The following N4BP2 variants were observed in gnomAD, a reference collection of about 807,000 sequenced individuals.
N4BP2 encodes the protein NEDD4 binding protein 2.
In N4BP2, 91 loss-of-function variants were observed where a neutral mutation model predicts 152.8. The ratio of observed to expected loss-of-function variants is 0.60; its 90% CI spans 0.50 to 0.71. The LOEUF (loss-of-function observed/expected upper bound fraction) is 0.71. Among genes scored for constraint, N4BP2 ranks in the 30% least tolerant of loss-of-function variants. N4BP2 has a pLI of 0.00. For missense variants in N4BP2, 1,923 were observed against 2,059.1 expected (o/e 0.93, Z 1.28); for synonymous variants, 646 against 705.3 (o/e 0.92, Z 1.33).
chr4:40,127,818 G>T (rs931648175), intron 12 of N4BP2, among the ~76,000 whole-genome samples: 1 of 151,958 alleles, frequency 6.6e-6, no homozygotes, highest in South Asian at 2.1e-4. Context: ...CTGCCACCGC[G>T]CCCGGCTAAT....
Position 40,113,462 on chromosome 4 carries a change from C to G in N4BP2, c.1618C>G (p.Arg540Gly). ...SQKHKYKVLF[R>G]EPDTWWKFKP... ...GAAACACAAATATAAAGTCCTTTTT[C>G]GGGAACCAGACACATGGTGGAAGTT... Residue 540 changes from arginine (R) to glycine (G), a missense_variant, in exon 7 of 18, where the codon CGG becomes GGG. Coordinates refer to ENST00000261435, the MANE Select transcript of N4BP2 (RefSeq NM_018177.6). The G allele has an allele frequency of 1.2e-6, 2 of 1,612,708 alleles. No homozygotes were observed. The highest frequency in any genetic ancestry group is 1.1e-5 in the South Asian group (1 of 90,936).
chr4:40,100,853 G>T (rs1683860921), intron 3 of N4BP2, among the ~76,000 whole-genome samples: 1 of 152,120 alleles, frequency 6.6e-6, no homozygotes, highest in Non-Finnish European at 1.5e-5. Flanking sequence ...AGTATTTGAG[G>T]ATTCAGTGAG....
At chr4:40,129,417 G>A (rs1346537793) in intron 12 of N4BP2, among the ~76,000 whole-genome samples, 1 of 152,022 alleles carries the variant, frequency 6.6e-6, no homozygotes, top group Admixed American at 6.6e-5. Context: ...AGAAGAGATG[G>A]GGTTTCACCA....
chr4:40,182,992 T>TA, the N4BP2 span, among the ~76,000 whole-genome samples: 1 of 152,162 alleles, frequency 6.6e-6, no homozygotes, highest in African/African-American at 2.4e-5. Context: ...TAATATTTTT[T>TA]AATATAAAAA....
At chr4:40,066,549 A>G (rs1292126954) in intron 1 of N4BP2, among the ~76,000 whole-genome samples, 2 of 145,992 alleles carry the variant, frequency 1.4e-5, no homozygotes, top group African/African-American at 5.1e-5. Flanking sequence ...TGAACTCCTG[A>G]CCTCAAGTGA....
chr4:40,057,856 C>T (rs935011237), intron 1 of N4BP2, among the ~76,000 whole-genome samples: 1 of 152,122 alleles, frequency 6.6e-6, no homozygotes, highest in Non-Finnish European at 1.5e-5. Flanking sequence ...AAAGGCTCTT[C>T]CTTTCGGCGG....
Position 40,144,778 on chromosome 4 carries a change from A to C in N4BP2, c.5121A>C (p.Arg1707Ser). The change falls in exon 16 of 18, where the codon AGA (arginine) becomes AGC (serine). Residue 1707 changes from arginine to serine, a missense_variant. By Grantham distance (110) the Arg-to-Ser change is moderately radical. Transcript: ENST00000261435. ...ATGAAGCTCTAGAACATTTGATGAG[A>C]GTTTTAGAGAAGAAGACTGAAGGTA... is the stretch of plus-strand genomic sequence containing the variant. Reference protein sequence around the residue: ...HVDEALEHLMRVLEKKTEEFK... With the variant: ...HVDEALEHLMSVLEKKTEEFK... 6.2e-7 allele frequency: 1 copy of C among 1,611,472 alleles called. No homozygotes were observed. The highest frequency in any genetic ancestry group is 1.1e-5 in the South Asian group (1 of 90,408).
Position 40,102,258 on chromosome 4 carries a change from TA to T in N4BP2, c.415del (p.Thr139LeufsTer7). On this transcript the variant is annotated frameshift_variant, in exon 4 of 18. Transcript: ENST00000261435. LOFTEE classifies it high-confidence loss of function. ...ATGGATTCATTTTTGGACATGCAGCTAACTGAAGACCTGGATTCCTTAATAC... is the reference window on the plus strand; with the variant it reads ...ATGGATTCATTTTTGGACATGCAGCTACTGAAGACCTGGATTCCTTAATAC... ...SKMDSFLDMQ[L>X]TEDLDSLIQN... is the part of the protein sequence containing the mutation. 6.2e-7 allele frequency: 1 copy of T among 1,613,870 alleles called. No individual in the cohort carries two copies.
At chr4:40,099,394 C>T (rs1346906121) in intron 3 of N4BP2, among the ~76,000 whole-genome samples, 1 of 152,092 alleles carries the variant, frequency 6.6e-6, no homozygotes, top group Non-Finnish European at 1.5e-5. Flanking sequence ...AGGCGTCCGC[C>T]ACTGTGCCTG....
chr4:40,134,188 T>C (rs1400778363), intron 13 of N4BP2, among the ~76,000 whole-genome samples: 1 of 152,220 alleles, frequency 6.6e-6, no homozygotes, highest in African/African-American at 2.4e-5. Flanking sequence ...TCTTTAAAAG[T>C]AGTATTCCAA....
chr4:40,134,613 C>T (rs1283371561), intron 13 of N4BP2, among the ~76,000 whole-genome samples: 2 of 152,100 alleles, frequency 1.3e-5, no homozygotes, highest in Non-Finnish European at 2.9e-5. Flanking sequence ...GACTGACTTC[C>T]AGCAGGTGAG....
At chr4:40,081,137 A>G (rs1713326334) in intron 2 of N4BP2, among the ~76,000 whole-genome samples, 1 of 152,088 alleles carries the variant, frequency 6.6e-6, no homozygotes, top group African/African-American at 2.4e-5. Flanking sequence ...ATTTATAATA[A>G]TGATTTTTTC....
At chr4:40,084,614 GTA>G (rs374731036) in intron 2 of N4BP2, among the ~76,000 whole-genome samples, 4 of 136,816 alleles carry the variant, frequency 2.9e-5, no homozygotes, top group African/African-American at 5.3e-5. Flanking sequence ...TTTTGTGTGT[GTA>G]TATATATATA....
chr4:40,137,208 C>T, intron 14 of N4BP2, 126 bp downstream of exon 14: 1 of 749,846 alleles, frequency 1.3e-6, no homozygotes, highest in Admixed American at 3.2e-5. Flanking sequence ...AATTTAACCA[C>T]CAATGGCATA....
chr4:40,114,085 A>G (rs1717143633), intron 7 of N4BP2, among the ~76,000 whole-genome samples: 1 of 152,152 alleles, frequency 6.6e-6, no homozygotes, highest in South Asian at 2.1e-4. Context: ...ATCTCACTCC[A>G]TGCCTGCCTC....
intron 2 of N4BP2, among the ~76,000 whole-genome samples, chr4:40,096,791 T>C (rs757607452): frequency 5.9e-5 from 9 of 152,102 alleles, no homozygotes; most frequent in Non-Finnish European, 1.0e-4. Context: ...AGTCAAGGAT[T>C]ATTCCAAGAT....
At chr4:40,184,624 T>C in the N4BP2 span, among the ~76,000 whole-genome samples, 3 of 152,220 alleles carry the variant, frequency 2.0e-5, no homozygotes, top group Admixed American at 2.0e-4. Context: ...GTCTAATTAT[T>C]TGTTGCCTTT....
rs74392454 is a variant in N4BP2 at position 40,144,936 on chromosome 4, A to G, written c.5143+136A>G. ...ACATCTGTAAATGTTTATGTTATTC[A>G]TTCTTCAAGAGAACCTTCTTGGGAA... On this transcript the variant is annotated intron_variant, in intron 16 of 17. Coordinates refer to ENST00000261435, the MANE Select transcript of N4BP2 (RefSeq NM_018177.6). The G allele has an allele frequency of 2.5e-3, 1,502 of 600,242 alleles. 5 individuals carry two copies. Among genetic ancestry groups the G allele is most frequent in the Middle Eastern group, 0.011 (24 of 2,134 alleles). The allele number at this position is 600,242 out of a possible 1,614,324, so 37.2% of individuals were successfully genotyped here. A position where few individuals can be genotyped will look rare whatever the true frequency, so the allele number is the denominator to read the frequency against.
chr4:40,087,092 C>CACTT (rs1481410832), intron 2 of N4BP2, among the ~76,000 whole-genome samples: 2 of 152,186 alleles, frequency 1.3e-5, no homozygotes, highest in African/African-American at 4.8e-5. Context: ...ATTCCATGTG[C>CACTT]ACTTGAAAGT....
Sources: allele counts gnomAD v4.1 joint callset (sites outside exome capture counted in the v4.1 genomes callset), GRCh38; gene constraint gnomAD v4.1.1; transcripts MANE v1.5; gene names NCBI Gene and HGNC (gene_info 2026-07-23, HGNC 2026-07-21).